The following KTN1 variants were observed in gnomAD, a reference collection of about 807,000 sequenced individuals.
The protein encoded by KTN1 is kinectin 1, also known as kinectin.
A neutral mutation model predicts 222.5 loss-of-function variants in KTN1; 130 were observed. The observed-to-expected ratio is 0.58, with a 90% CI of 0.51 to 0.68. The LOEUF (loss-of-function observed/expected upper bound fraction) is 0.68. Among genes scored for constraint, KTN1 ranks in the 30% least tolerant of loss-of-function variants. The pLI, the probability that KTN1 is intolerant of heterozygous loss-of-function variation, is 0.00. For missense variants in KTN1, 1,508 were observed against 1,500.4 expected (o/e 1.01, Z -0.08); for synonymous variants, 512 against 496.3 (o/e 1.03, Z -0.42).
At chr14:55,652,463 A>G (rs963719394) in intron 25 of KTN1, among the ~76,000 whole-genome samples, 4 of 133,300 alleles carry the variant, frequency 3.0e-5, no homozygotes, top group Non-Finnish European at 6.1e-5. Context: ...CAGTGGCATG[A>G]TCTCGGCTCA....
chr14:55,626,604 A>G (rs940741729), intron 5 of KTN1, among the ~76,000 whole-genome samples: 3 of 150,782 alleles, frequency 2.0e-5, no homozygotes, highest in African/African-American at 4.9e-5. Flanking sequence ...GTTTTGTTTC[A>G]TTTTATTTAC....
intron 38 of KTN1, 104 bp downstream of exon 38, chr14:55,672,805 A>G: frequency 9.5e-7 from 1 of 1,049,378 alleles, no homozygotes; most frequent in East Asian, 2.5e-5. Flanking sequence ...TATGCTCTTA[A>G]TATCTTGGGT....
rs1311240852 is a variant in KTN1 at position 55,649,906 on chromosome 14, G to A, written c.2405+93G>A. 3 of 661,498 alleles carry A rather than the reference G, an allele frequency of 4.5e-6. No homozygotes were observed. The Admixed American group carries it at 9.9e-5, about 22-fold the overall frequency. 41.0% of individuals were successfully genotyped at this position (661,498 alleles called of 1,614,324 possible). A position where few individuals can be genotyped will look rare whatever the true frequency, so the allele number is the denominator to read the frequency against. ...AAATCTAGTTTTATTGTGCAGTTGG[G>A]ACAGCTGATGTATGTTTAACTTTCA... is the stretch of plus-strand genomic sequence containing the variant. On this transcript the variant is annotated intron_variant, in intron 22 of 43. Coordinates refer to ENST00000395314, the MANE Select transcript of KTN1 (RefSeq NM_001079521.2).
Position 55,618,127 on chromosome 14 carries a change from T to G in KTN1, c.825T>G (p.Thr275=). ...GGACTAAAAAACTGAAGACCGAAAC[T>G]GACAAAGGTAATATATGGGATTTAT... ...KSGTKKLKTE[T]DKENAEVKFK... Residue 275 remains threonine, a synonymous_variant, in exon 4 of 44, where the codon ACT becomes ACG. Coordinates refer to ENST00000395314, the MANE Select transcript of KTN1 (RefSeq NM_001079521.2). 1 of 1,609,944 alleles carries G rather than the reference T, an allele frequency of 6.2e-7. No homozygotes were observed. The highest frequency in any genetic ancestry group is 2.2e-5 in the East Asian group (1 of 44,722).
At chr14:55,659,340 A>G (rs2043858064) in intron 30 of KTN1, among the ~76,000 whole-genome samples, 1 of 150,738 alleles carries the variant, frequency 6.6e-6, no homozygotes, top group African/African-American at 2.4e-5. Context: ...TGGAAGCTTA[A>G]CAGTTTTATG....
At chr14:55,621,412 C>T (rs945924701) in intron 5 of KTN1, among the ~76,000 whole-genome samples, 2 of 152,096 alleles carry the variant, frequency 1.3e-5, no homozygotes, top group African/African-American at 4.8e-5. Flanking sequence ...TTTCACGTTG[C>T]TGATAAAGAC....
At chr14:55,656,001 T>G (rs2141168049) in intron 28 of KTN1, 41 bp from the exon 29 acceptor site, 2 of 1,232,178 alleles carry the variant, frequency 1.6e-6, no homozygotes, top group East Asian at 4.9e-5. Context: ...TTTCCTTTTT[T>G]ATGTACTTTA....
chr14:55,648,868 C>A lies in KTN1; in HGVS notation c.2365C>A (p.Gln789Lys). The part of the protein sequence containing the change: ...VQDLKAKQND[Q>K]VSFASLVEEL... ...AGACTTAAAAGCTAAGCAAAATGAT[C>A]AGGTAATGTAAATTTTTACAACTGT... is the stretch of plus-strand genomic sequence containing the variant. Residue 789 changes from glutamine (Q) to lysine (K), a missense_variant and splice_region_variant, in exon 21 of 44, where the codon CAG becomes AAG. Gln to Lys is a moderately conservative substitution (Grantham distance 53). Transcript: ENST00000395314. 6.4e-7 allele frequency: 1 copy of A among 1,569,288 alleles called. No homozygotes were observed. Among genetic ancestry groups the A allele is most frequent in the South Asian group, 1.1e-5 (1 of 88,186 alleles).
chr14:55,680,687 G>T (rs1201775154), intron 43 of KTN1: 1 of 1,366,080 alleles, frequency 7.3e-7, no homozygotes. Context: ...TCACTTTAGA[G>T]TGATCATCCT....
At chr14:55,637,992 C>T (rs981480487) in intron 12 of KTN1, 145 bp downstream of exon 12, 2 of 588,716 alleles carry the variant, frequency 3.4e-6, no homozygotes, top group African/African-American at 1.8e-5. Flanking sequence ...GTGCTAAACA[C>T]TTGCTAATTA....
chr14:55,660,982 T>A (rs1398605130), intron 31 of KTN1, among the ~76,000 whole-genome samples: 2 of 152,174 alleles, frequency 1.3e-5, no homozygotes, highest in Non-Finnish European at 2.9e-5. Context: ...AAATTATGAA[T>A]CTTTGCCATT....
intron 21 of KTN1, among the ~76,000 whole-genome samples, chr14:55,649,539 A>C (rs944479693): frequency 1.3e-5 from 2 of 152,232 alleles, no homozygotes; most frequent in Non-Finnish European, 2.9e-5. Context: ...AAATAATTTT[A>C]ACATTTATCT....
Position 55,634,912 on chromosome 14 carries a change from T to C in KTN1, c.1461+254T>C, listed in dbSNP as rs1033436389. Reference sequence around the variant, plus strand: ...CCGAGCGAGGGGGAAGACTCCCTTATAAAACCATTAGATCTTGTGAGATCT... The same window carrying C: ...CCGAGCGAGGGGGAAGACTCCCTTACAAAACCATTAGATCTTGTGAGATCT... On this transcript the variant is annotated intron_variant, in intron 9 of 43. Transcript: ENST00000395314. Among the ~76,000 whole-genome samples, 9 of 152,138 alleles carry C rather than the reference T, an allele frequency of 5.9e-5. No homozygotes were observed. In the East Asian group the frequency reaches 1.5e-3, roughly 26 times the overall value.
At chr14:55,613,629 A>C (rs2037927163) in intron 2 of KTN1, among the ~76,000 whole-genome samples, 1 of 132,340 alleles carries the variant, frequency 7.6e-6, no homozygotes, top group African/African-American at 2.7e-5. Flanking sequence ...GAGTAGCTGG[A>C]ATTATAGGCG....
chr14:55,656,399 T>C (rs901700343), intron 29 of KTN1: 84 of 326,362 alleles, frequency 2.6e-4, no homozygotes, highest in Non-Finnish European at 2.6e-4. Context: ...TTCAAGATCT[T>C]TCCATATAAA....
chr14:55,676,230 CTG>C (rs2045881999), intron 41 of KTN1, among the ~76,000 whole-genome samples: 2 of 152,156 alleles, frequency 1.3e-5, no homozygotes, highest in South Asian at 4.1e-4. Context: ...TGGGATTTGG[CTG>C]TGTATTCATT....
chr14:55,649,450 G>A (rs1251609098), intron 21 of KTN1, among the ~76,000 whole-genome samples: 2 of 152,152 alleles, frequency 1.3e-5, no homozygotes, highest in African/African-American at 2.4e-5. Flanking sequence ...CAAATATAAA[G>A]TAAGACTCTA....
chr14:55,587,259 G>A (rs1023006551), intron 1 of KTN1, among the ~76,000 whole-genome samples: 3 of 152,140 alleles, frequency 2.0e-5, no homozygotes, highest in African/African-American at 7.2e-5. Context: ...GTGGTATTTG[G>A]TATGCCATAT....
At chr14:55,633,390 T>C (rs1321825310) in intron 8 of KTN1, 49 bp downstream of exon 8, 1 of 1,115,226 alleles carries the variant, frequency 9.0e-7, no homozygotes, top group Non-Finnish European at 1.3e-6. Context: ...GAGTATTTTC[T>C]TGAATCATCA....
Sources: allele counts gnomAD v4.1 joint callset (sites outside exome capture counted in the v4.1 genomes callset), GRCh38; gene constraint gnomAD v4.1.1; transcripts MANE v1.5; gene names NCBI Gene and HGNC (gene_info 2026-07-23, HGNC 2026-07-21).